Variants in API5 observed in about 807,000 individuals in gnomAD.
API5 encodes FIF.
A neutral mutation model predicts 71.9 loss-of-function variants in API5; 6 were observed. The ratio of observed to expected loss-of-function variants is 0.08; its 90% CI spans 0.05 to 0.16. The LOEUF is 0.16. Ranked by LOEUF, API5 falls within the 10% of genes least tolerant of loss-of-function variation. The pLI, the probability that API5 is intolerant of heterozygous loss-of-function variation, is 1.00. For synonymous variants in API5, 189 were observed against 221.3 expected, an observed-to-expected ratio of 0.85 and a Z score of 1.30; for missense variants, 332 against 612.8, an observed-to-expected ratio of 0.54 and a Z score of 4.84.
chr11:43,320,778 A>T, intron 2 of API5, 43 bp from the exon 3 acceptor site: 6 of 1,359,722 alleles, frequency 4.4e-6, no homozygotes, highest in Non-Finnish European at 5.2e-6. Context: ...GTTATTTTAA[A>T]GGTGATAGTA....
intron 1 of API5, among the ~76,000 whole-genome samples, chr11:43,315,212 A>G (rs1003521117): frequency 1.3e-5 from 2 of 152,214 alleles, no homozygotes; most frequent in African/African-American, 4.8e-5. Context: ...CTAAATATAT[A>G]AGGGTAAACT....
At chr11:43,336,916 G>A (rs567350046) in intron 13 of API5, among the ~76,000 whole-genome samples, 2 of 151,078 alleles carry the variant, frequency 1.3e-5, no homozygotes, top group Admixed American at 6.6e-5. Context: ...GCTGAGGCAG[G>A]AGAATGGTTT....
chr11:43,317,370 G>C (rs1854707860), intron 1 of API5, among the ~76,000 whole-genome samples: 1 of 152,032 alleles, frequency 6.6e-6, no homozygotes, highest in Non-Finnish European at 1.5e-5. Context: ...ATTTGAGGGA[G>C]AGCACCTGTG....
At chr11:43,313,620 G>A (rs980070344) in intron 1 of API5, among the ~76,000 whole-genome samples, 1 of 152,044 alleles carries the variant, frequency 6.6e-6, no homozygotes, top group African/African-American at 2.4e-5. Flanking sequence ...ATTTATTGTA[G>A]CTTAATCTAG....
intron 6 of API5, 44 bp downstream of exon 6, chr11:43,323,680 A>G: frequency 1.9e-6 from 3 of 1,546,978 alleles, no homozygotes; most frequent in Non-Finnish European, 2.7e-6. Flanking sequence ...CTATATATAT[A>G]TTTCCATAAA....
chr11:43,338,932 A>C (rs922721861), intron 13 of API5, among the ~76,000 whole-genome samples: 2 of 152,202 alleles, frequency 1.3e-5, no homozygotes, highest in Admixed American at 6.5e-5. Flanking sequence ...TCAAAAATGC[A>C]GAAGTCATGG....
intron 1 of API5, among the ~76,000 whole-genome samples, chr11:43,312,597 T>TG (rs1391009345): frequency 4.6e-5 from 7 of 152,114 alleles, no homozygotes; most frequent in East Asian, 1.9e-4. Context: ...GTGTTTTTTT[T>TG]GGGGGGGAGG....
chr11:43,337,543 T>C (rs1487557770), intron 13 of API5, among the ~76,000 whole-genome samples: 2 of 152,194 alleles, frequency 1.3e-5, no homozygotes, highest in African/African-American at 2.4e-5. Context: ...AACTCTCTTA[T>C]TTACATAACA....
Position 43,322,056 on chromosome 11 carries a change from C to T in API5, c.463C>T (p.Leu155Phe). 1.9e-6 allele frequency: 3 copies of T among 1,613,692 alleles called. No individual in the cohort carries two copies. The highest frequency in any genetic ancestry group is 2.5e-6 in the Non-Finnish European group (3 of 1,179,844). ...TGTTAGAGAACGAGCAATTAAATTC[C>T]TTTCTACAAAACTTAAGACTTTACC... ...DIVRERAIKF[L>F]STKLKTLPDE... is the part of the protein sequence containing the mutation. Residue 155 changes from leucine to phenylalanine, a missense_variant, in exon 5 of 14, where the codon CTT becomes TTT. Coordinates refer to ENST00000531273, the MANE Select transcript of API5 (RefSeq NM_001142930.2).
Position 43,340,112 on chromosome 11 carries a change from A to G in API5, c.1493-2316A>G, listed in dbSNP as rs558927826. 3.9e-5 allele frequency: 8 copies of G among 203,424 alleles called. No homozygotes were observed. The East Asian group carries it at 1.2e-3, about 30-fold the overall frequency. The allele number at this position is 203,424 out of a possible 1,614,324, so 12.6% of individuals were successfully genotyped here. ...AAAAGTTAGAAGATACAAAATTAGT[A>G]TACAAAAATCAGTAGCATTTCTATG... On this transcript the variant is annotated intron_variant, in intron 13 of 13. Transcript: ENST00000531273.
chr11:43,323,271 A>G (rs530673988), intron 5 of API5, among the ~76,000 whole-genome samples, 159 bp from the exon 6 acceptor site: 65 of 152,354 alleles, frequency 4.3e-4, no homozygotes, highest in African/African-American at 1.5e-3. Flanking sequence ...ACTGAAGCTC[A>G]ATTGACTGAA....
rs2134397414 is a variant in API5 at position 43,344,391 on chromosome 11, TTAGG to T, written c.*1883_*1886del. The T allele has an allele frequency of 6.5e-6, 1 of 152,778 alleles. No homozygotes were observed. The highest frequency in any genetic ancestry group is 1.9e-4 in the East Asian group (1 of 5,186). 9.5% of individuals were successfully genotyped at this position (152,778 alleles called of 1,614,324 possible). On this transcript the variant is annotated 3_prime_UTR_variant, in exon 14 of 14. Transcript: ENST00000531273. ...CTTTCCTAAGGCAATAGTGCACAAC[TTAGG>T]TTATTTTTGCTTCCGAATTTGAATG...
At position 43,312,005 on chromosome 11, in the gene API5, G is replaced by T; in HGVS notation, c.-123G>T. 2 of 1,108,212 alleles carry T rather than the reference G, an allele frequency of 1.8e-6. No individual in the cohort carries two copies. The highest frequency in any genetic ancestry group is 2.3e-5 in the Admixed American group (1 of 42,686). The allele number at this position is 1,108,212 out of a possible 1,614,324, so 68.6% of individuals were successfully genotyped here. A position where few individuals can be genotyped will look rare whatever the true frequency, so the allele number is the denominator to read the frequency against. ...AGCCGCGCTGTGCGCGGTGACTGGC[G>T]GCTGCACTGGCGGCAGCTGGAGGTG... On this transcript the variant is annotated 5_prime_UTR_variant, in exon 1 of 14. Transcript: ENST00000531273.
At chr11:43,315,276 CTTT>C (rs910567772) in intron 1 of API5, among the ~76,000 whole-genome samples, 5 of 152,170 alleles carry the variant, frequency 3.3e-5, no homozygotes, top group Non-Finnish European at 7.3e-5. Flanking sequence ...ATCAAATCCT[CTTT>C]TTGAACCCCT....
intron 5 of API5, among the ~76,000 whole-genome samples, chr11:43,323,201 G>C (rs11607472): frequency 6.6e-6 from 1 of 151,506 alleles, no homozygotes; most frequent in Non-Finnish European, 1.5e-5. Context: ...TGCTTTGTAC[G>C]TAAAAAAGTA....
At chr11:43,336,153 C>T (rs1855426663) in intron 13 of API5, 159 bp downstream of exon 13, 1 of 947,260 alleles carries the variant, frequency 1.1e-6, no homozygotes. Flanking sequence ...TGATTTATCC[C>T]ATTCCTCTCT....
At chr11:43,320,762 CTGTT>C in intron 2 of API5, 55 bp from the exon 3 acceptor site, 1 of 1,225,208 alleles carries the variant, frequency 8.2e-7, no homozygotes. Flanking sequence ...AAAGAAAAAG[CTGTT>C]TGTTATTTTA....
intron 13 of API5, among the ~76,000 whole-genome samples, chr11:43,338,648 TAAAAA>T (rs35510804): frequency 2.3e-4 from 22 of 96,986 alleles, no homozygotes; most frequent in Admixed American, 7.2e-4. Context: ...CAATTGGAGG[TAAAAA>T]AAAAAAAAAA....
chr11:43,322,329 A>C (rs765869888), intron 5 of API5, among the ~76,000 whole-genome samples, 193 bp downstream of exon 5: 1 of 152,172 alleles, frequency 6.6e-6, no homozygotes, highest in Non-Finnish European at 1.5e-5. Context: ...TGATGAATCA[A>C]TTTGGTAATT....
Sources: gnomAD v4.1 joint callset for allele counts (sites outside exome capture counted in the v4.1 genomes callset) on GRCh38, gnomAD v4.1.1 for gene constraint, MANE v1.5 for transcripts, NCBI Gene and HGNC (gene_info 2026-07-23, HGNC 2026-07-21) for gene names.